The following NRXN1 variants were observed in gnomAD, a reference collection of about 807,000 sequenced individuals.
NRXN1 encodes the protein neurexin 1.
A neutral mutation model predicts 150.9 loss-of-function variants in NRXN1; 39 were observed. The observed-to-expected ratio is 0.26, with a 90% CI of 0.20 to 0.34. NRXN1 has a LOEUF of 0.34. Among genes scored for constraint, NRXN1 ranks in the 10% least tolerant of loss-of-function variants. The pLI is 1.00. For synonymous variants in NRXN1, 924 were observed against 757.0 expected, an observed-to-expected ratio of 1.22 and a Z score of -3.62; for missense variants, 1,815 against 1,949.9, an observed-to-expected ratio of 0.93 and a Z score of 1.30.
chr2:50,666,107 C>T (rs1443617770), intron 5 of NRXN1, among the ~76,000 whole-genome samples: 4 of 151,874 alleles, frequency 2.6e-5, no homozygotes, highest in African/African-American at 9.7e-5. Context: ...TCTGTCACTA[C>T]AGATTAGTTT....
chr2:50,451,223 C>T (rs1176857072), intron 17 of NRXN1, among the ~76,000 whole-genome samples: 1 of 152,186 alleles, frequency 6.6e-6, no homozygotes, highest in Non-Finnish European at 1.5e-5. Flanking sequence ...CCCAGTTTGG[C>T]CTCCTAAAGT....
chr2:51,026,494 G>A (rs1335781728), intron 2 of NRXN1: 14 of 1,509,824 alleles, frequency 9.3e-6, no homozygotes, highest in Non-Finnish European at 1.3e-5. Context: ...AGAGAACTTA[G>A]GTATGACTTT....
At chr2:50,573,130 G>A (rs10211115) in intron 8 of NRXN1, among the ~76,000 whole-genome samples, 308 of 152,182 alleles carry the variant, frequency 2.0e-3, no homozygotes, top group African/African-American at 7.2e-3. Flanking sequence ...AGTACTTTGG[G>A]AGGTTGGGGC....
At chr2:50,515,405 A>G (rs1187259590) in intron 12 of NRXN1, among the ~76,000 whole-genome samples, 2 of 152,172 alleles carry the variant, frequency 1.3e-5, no homozygotes, top group African/African-American at 2.4e-5. Context: ...GTGAAATTCA[A>G]TTATCCTGAA....
At chr2:50,559,751 T>C (rs983178499) in intron 8 of NRXN1, among the ~76,000 whole-genome samples, 3 of 152,124 alleles carry the variant, frequency 2.0e-5, no homozygotes, top group African/African-American at 7.2e-5. Flanking sequence ...TATAGATAAG[T>C]AGATAATACA....
In NRXN1 at chr2:50,863,557, C is replaced by T. The variant is rs184135446; in HGVS notation, c.832+58312G>A. Reference sequence around the variant, plus strand: ...CCCATAGCTTCACCAGGTATCAGCACACAGCCCTTTAAAGATTAAGCTCTA... The same window carrying T: ...CCCATAGCTTCACCAGGTATCAGCATACAGCCCTTTAAAGATTAAGCTCTA... On this transcript the variant is annotated intron_variant, in intron 5 of 22. Coordinates refer to ENST00000401669, the MANE Select transcript of NRXN1 (RefSeq NM_001330078.2). Among the ~76,000 whole-genome samples the T allele has an allele frequency of 3.7e-4, 53 of 144,532 alleles. No individual in the cohort carries two copies. The East Asian group carries it at 9.3e-3, about 25-fold the overall frequency. 94.8% of individuals were successfully genotyped at this position (144,532 alleles called of 152,430 possible).
At chr2:50,438,244 A>G (rs2085622997) in intron 17 of NRXN1, among the ~76,000 whole-genome samples, 1 of 152,214 alleles carries the variant, frequency 6.6e-6, no homozygotes, top group South Asian at 2.1e-4. Flanking sequence ...TGAGTGTACA[A>G]GAACCCTGAG....
intron 17 of NRXN1, among the ~76,000 whole-genome samples, chr2:50,299,807 T>A (rs768016002): frequency 1.6e-4 from 25 of 152,204 alleles, no homozygotes; most frequent in African/African-American, 2.4e-5. Context: ...TAAAACCTAT[T>A]TCCTTAGGCT....
intron 17 of NRXN1, among the ~76,000 whole-genome samples, chr2:50,260,626 TC>T (rs2068161468): frequency 7.9e-6 from 1 of 127,280 alleles, no homozygotes; most frequent in African/African-American, 3.1e-5. Context: ...TTTTTTTTTT[TC>T]CGTTTTTTTT....
intron 18 of NRXN1, among the ~76,000 whole-genome samples, chr2:50,230,527 A>C (rs2064840836): frequency 6.6e-6 from 1 of 152,078 alleles, no homozygotes; most frequent in Non-Finnish European, 1.5e-5. Flanking sequence ...AATGGATAGA[A>C]AAGTACTCAG....
At chr2:50,133,683 G>T (rs2152750139) in intron 18 of NRXN1, among the ~76,000 whole-genome samples, 1 of 152,248 alleles carries the variant, frequency 6.6e-6, no homozygotes, top group Middle Eastern at 3.4e-3. Flanking sequence ...GTAAAGGCAA[G>T]CTTTCTCTAG....
At chr2:50,683,646 A>AAAATATATATATATAT in intron 5 of NRXN1, among the ~76,000 whole-genome samples, 1 of 14,904 alleles carries the variant, frequency 6.7e-5, no homozygotes, top group African/African-American at 3.6e-4. Context: ...AAAAAAAAAA[A>AAAATATATATATATAT]ATATATATAT....
At chr2:51,003,789 T>A (rs1268286998) in intron 2 of NRXN1, among the ~76,000 whole-genome samples, 1 of 151,976 alleles carries the variant, frequency 6.6e-6, no homozygotes, top group Non-Finnish European at 1.5e-5. Flanking sequence ...AATTGCATTT[T>A]AAACTGTTAC....
At chr2:50,062,489 A>C (rs1033101427) in intron 19 of NRXN1, among the ~76,000 whole-genome samples, 1 of 152,190 alleles carries the variant, frequency 6.6e-6, no homozygotes, top group African/African-American at 2.4e-5. Flanking sequence ...TTTTATTATC[A>C]TTGCCCAAAT....
chr2:50,345,405 G>T (rs1159193542), intron 17 of NRXN1, among the ~76,000 whole-genome samples: 1 of 152,170 alleles, frequency 6.6e-6, no homozygotes, highest in Non-Finnish European at 1.5e-5. Context: ...CAGCTGCTCA[G>T]GGCAGAGCAA....
At chr2:50,546,399 C>T (rs1173575759) in intron 9 of NRXN1, among the ~76,000 whole-genome samples, 1 of 152,094 alleles carries the variant, frequency 6.6e-6, no homozygotes, top group South Asian at 2.1e-4. Flanking sequence ...AGCCCAGGGG[C>T]CTAGCTCAGG....
intron 12 of NRXN1, among the ~76,000 whole-genome samples, chr2:50,526,119 G>A (rs1193071321): frequency 6.6e-6 from 1 of 152,168 alleles, no homozygotes; most frequent in African/African-American, 2.4e-5. Context: ...CGGTGGGGTA[G>A]GGAAAGAGAA....
chr2:49,982,528 T>G (rs1178241390), intron 21 of NRXN1, among the ~76,000 whole-genome samples: 1 of 152,054 alleles, frequency 6.6e-6, no homozygotes, highest in Non-Finnish European at 1.5e-5. Context: ...TGATTTTTGT[T>G]GATGATGCTG....
chr2:50,837,549 A>G (rs1199581841), intron 5 of NRXN1, among the ~76,000 whole-genome samples: 3 of 152,148 alleles, frequency 2.0e-5, no homozygotes, highest in Non-Finnish European at 4.4e-5. Context: ...GCAACATTTT[A>G]CTGGCTATTT....
Sources: allele counts gnomAD v4.1 joint callset (sites outside exome capture counted in the v4.1 genomes callset), GRCh38; gene constraint gnomAD v4.1.1; transcripts MANE v1.5; gene names NCBI Gene and HGNC (gene_info 2026-07-23, HGNC 2026-07-21).